Variants in RNF170 observed in about 807,000 individuals in gnomAD.
RNF170 encodes ring finger protein 170.
RNF170 carries 12 observed loss-of-function variants against 32.7 expected under a neutral mutation model. The ratio of observed to expected loss-of-function variants is 0.37; its 90% CI spans 0.24 to 0.60. The LOEUF is 0.60. Ranked by LOEUF, RNF170 falls within the 20% of genes least tolerant of loss-of-function variation. The pLI is 0.72. For synonymous variants in RNF170, 91 were observed against 103.6 expected (o/e 0.88, Z 0.74); for missense variants, 212 against 311.2 (o/e 0.68, Z 2.40).
chr8:42,866,312 C>T (rs1342555347), intron 4 of RNF170, among the ~76,000 whole-genome samples: 2 of 151,982 alleles, frequency 1.3e-5, no homozygotes, highest in Admixed American at 1.3e-4. Context: ...GTGGCTGAGG[C>T]GGGTGGATCA....
intron 5 of RNF170, among the ~76,000 whole-genome samples, chr8:42,862,465 C>G (rs951993789): frequency 1.3e-5 from 2 of 152,172 alleles, no homozygotes; most frequent in Admixed American, 1.3e-4. Context: ...CAGGACCATA[C>G]TGGGGTAATC....
chr8:42,867,204 G>A (rs908514837), intron 4 of RNF170, among the ~76,000 whole-genome samples: 1 of 152,302 alleles, frequency 6.6e-6, no homozygotes, highest in Admixed American at 6.5e-5. Context: ...TGGCACAGTG[G>A]CTCACGCCTG....
chr8:42,897,119 C>T (rs1368965448), upstream of RNF170: 15 of 1,242,458 alleles, frequency 1.2e-5, no homozygotes, highest in Non-Finnish European at 1.5e-5. Flanking sequence ...GCTGCCTGGC[C>T]GCGGCGGGGA....
intron 3 of RNF170, among the ~76,000 whole-genome samples, chr8:42,871,589 T>C (rs2128935652): frequency 6.6e-6 from 1 of 151,980 alleles, no homozygotes; most frequent in African/African-American, 2.4e-5. Flanking sequence ...TTTTTTTTTT[T>C]GAGACAGAGT....
chr8:42,863,934 G>A (rs939596434), intron 5 of RNF170, among the ~76,000 whole-genome samples: 4 of 151,528 alleles, frequency 2.6e-5, no homozygotes, highest in African/African-American at 4.9e-5. Flanking sequence ...GGCAGTTGAG[G>A]GGAAACAGAC....
chr8:42,872,993 C>T (rs950840525), intron 3 of RNF170, among the ~76,000 whole-genome samples: 1 of 152,100 alleles, frequency 6.6e-6, no homozygotes, highest in Non-Finnish European at 1.5e-5. Flanking sequence ...CTCCCAGGCT[C>T]GAGAGATCCT....
intron 2 of RNF170, among the ~76,000 whole-genome samples, chr8:42,882,561 G>A (rs945513959): frequency 6.6e-6 from 1 of 152,118 alleles, no homozygotes; most frequent in African/African-American, 2.4e-5. Flanking sequence ...ATTCTAATAC[G>A]TGTTACAACA....
intron 5 of RNF170, among the ~76,000 whole-genome samples, chr8:42,864,038 A>G (rs1586494858): frequency 7.1e-6 from 1 of 140,552 alleles, no homozygotes; most frequent in African/African-American, 2.7e-5. Context: ...GGGTAAGTGG[A>G]GGAATACTTT....
At chr8:42,875,019 A>T (rs1804807690) in intron 2 of RNF170, among the ~76,000 whole-genome samples, 1 of 152,008 alleles carries the variant, frequency 6.6e-6, no homozygotes, top group Non-Finnish European at 1.5e-5. Context: ...TAAAAATATA[A>T]AATTAGCCGG....
rs986994730 is a variant in RNF170 at position 42,855,025 on chromosome 8, C to A, written c.*1134G>T. ...ATGTAAATACCGTTCCCAGTACCTTCCTATTGGCTTGATGCTCAAAGACAC... is the reference window on the plus strand; with the variant it reads ...ATGTAAATACCGTTCCCAGTACCTTACTATTGGCTTGATGCTCAAAGACAC... On this transcript the variant is annotated 3_prime_UTR_variant, in exon 7 of 7. Coordinates refer to ENST00000527424, the MANE Select transcript of RNF170 (RefSeq NM_030954.4). 7.0e-6 allele frequency: 9 copies of A among 1,287,106 alleles called. No individual in the cohort carries two copies. Among genetic ancestry groups the A allele is most frequent in the Non-Finnish European group, 9.1e-6 (9 of 988,718 alleles). The allele number at this position is 1,287,106 out of a possible 1,614,324, so 79.7% of individuals were successfully genotyped here. A position where few individuals can be genotyped will look rare whatever the true frequency, so the allele number is the denominator to read the frequency against.
chr8:42,892,193 T>G (rs1292847652), intron 1 of RNF170, among the ~76,000 whole-genome samples: 2 of 152,184 alleles, frequency 1.3e-5, no homozygotes, highest in Non-Finnish European at 2.9e-5. Flanking sequence ...TTTTTAAAAT[T>G]TATTTTTTGA....
chr8:42,879,067 G>C (rs1805174747), intron 2 of RNF170, among the ~76,000 whole-genome samples: 1 of 152,168 alleles, frequency 6.6e-6, no homozygotes, highest in Non-Finnish European at 1.5e-5. Flanking sequence ...CATCTGTGTA[G>C]TGTATTAACA....
chr8:42,892,333 A>G (rs1806371336), intron 1 of RNF170, among the ~76,000 whole-genome samples: 16 of 152,098 alleles, frequency 1.1e-4, no homozygotes, highest in Admixed American at 1.0e-3. Flanking sequence ...GCTCAGTTAA[A>G]TGTTTTATTT....
At chr8:42,896,036 G>A (rs1806801614) in intron 1 of RNF170, among the ~76,000 whole-genome samples, 1 of 152,196 alleles carries the variant, frequency 6.6e-6, no homozygotes, top group Non-Finnish European at 1.5e-5. Context: ...CCAGCAGACA[G>A]ATTCGTGCCT....
At chr8:42,895,774 GT>G (rs1806762245) in intron 1 of RNF170, among the ~76,000 whole-genome samples, 1 of 152,132 alleles carries the variant, frequency 6.6e-6, no homozygotes, top group Non-Finnish European at 1.5e-5. Flanking sequence ...ACCCGCAAAA[GT>G]TCAAAAACAG....
chr8:42,896,650 C>G (rs1806931264), upstream of RNF170: 1 of 452,186 alleles, frequency 2.2e-6, no homozygotes, highest in Non-Finnish European at 4.4e-6. Context: ...GAGGGCGCGA[C>G]CGGACGGCGG....
chr8:42,856,774 A>G (rs1803273777), intron 6 of RNF170, among the ~76,000 whole-genome samples: 1 of 152,208 alleles, frequency 6.6e-6, no homozygotes, highest in Non-Finnish European at 1.5e-5. Flanking sequence ...CTTAAGTCTC[A>G]GCTTTAAAGT....
Position 42,873,969 on chromosome 8 carries a change from G to A in RNF170, c.175C>T (p.Leu59=). The A allele has an allele frequency of 6.2e-7, 1 of 1,603,556 alleles. No individual in the cohort carries two copies. Among genetic ancestry groups the A allele is most frequent in the Non-Finnish European group, 8.5e-7 (1 of 1,170,592 alleles). ...HQNIHPENQE[L]VRVLREQLQT... is the part of the protein sequence containing the mutation. Reference sequence around the variant, plus strand: ...AGCTGTTCTCGAAGTACCCTTACTAGCTCCTGGTTTTCTGGGTGAATGTTT... The same window carrying A: ...AGCTGTTCTCGAAGTACCCTTACTAACTCCTGGTTTTCTGGGTGAATGTTT... Residue 59 remains leucine, a synonymous_variant, in exon 3 of 7, where the codon CTA becomes TTA. Coordinates refer to ENST00000527424, the MANE Select transcript of RNF170 (RefSeq NM_030954.4).
intron 4 of RNF170, 40 bp from the exon 5 acceptor site, chr8:42,865,529 T>C (rs374021430): frequency 4.7e-5 from 66 of 1,409,092 alleles, no homozygotes; most frequent in African/African-American, 2.1e-4. Flanking sequence ...CCCATTAATA[T>C]TGATGTTTTA....
Sources: gnomAD v4.1 joint callset for allele counts (sites outside exome capture counted in the v4.1 genomes callset) on GRCh38, gnomAD v4.1.1 for gene constraint, MANE v1.5 for transcripts, NCBI Gene and HGNC (gene_info 2026-07-23, HGNC 2026-07-21) for gene names.